UBE2K: variants seen among roughly 807,000 people sequenced by gnomAD.
UBE2K encodes the protein ubiquitin-conjugating enzyme E2 K.
In UBE2K, 6 loss-of-function variants were observed where a neutral mutation model predicts 30.0. The observed-to-expected ratio is 0.20, with a 90% CI of 0.11 to 0.39. UBE2K has a LOEUF of 0.39. UBE2K is among the 10% of genes least tolerant of loss of function. The probability of loss-of-function intolerance (pLI) is 1.00; values close to 1 mark genes in which losing one functional copy is unlikely to be tolerated. For synonymous variants in UBE2K, 86 were observed against 83.7 expected, an observed-to-expected ratio of 1.03 and a Z score of -0.15; for missense variants, 61 against 241.6, an observed-to-expected ratio of 0.25 and a Z score of 4.96.
At chr4:39,737,101 G>A (rs302948) in intron 1 of UBE2K, among the ~76,000 whole-genome samples, 124,606 of 152,100 alleles carry the variant, frequency 0.82, 51,478 homozygotes, top group East Asian at 0.92. Context: ...ATCGCTTTGG[G>A]CCTGATATAC....
In UBE2K at chr4:39,770,785, C is replaced by T. The variant is rs1578505018; in HGVS notation, c.300-4049C>T. ...CCTCCAGGGGGCTTGAGCCGGTGTG[C>T]GATGTCCAGGGCCGACTCCACCTTG... On this transcript the variant is annotated intron_variant, in intron 4 of 6. Coordinates refer to ENST00000261427, the MANE Select transcript of UBE2K (RefSeq NM_005339.5). 4.4e-6 allele frequency: 7 copies of T among 1,578,750 alleles called. No individual in the cohort carries two copies. The South Asian group carries it at 7.0e-5, about 16-fold the overall frequency.
At chr4:39,765,952 T>C (rs916818308) in intron 4 of UBE2K, among the ~76,000 whole-genome samples, 28 of 82,880 alleles carry the variant, frequency 3.4e-4, no homozygotes, top group African/African-American at 7.2e-4. Flanking sequence ...CACACACACA[T>C]ACACATACAC....
In UBE2K at chr4:39,744,362, C is replaced by T. The variant is rs901631140; in HGVS notation, c.158-1390C>T. ...TAATTTTTTGTGTTTTTAGTAGAGA[C>T]GGGGTTTCACCATGTTAGCCAGGAT... is the stretch of plus-strand genomic sequence containing the variant. On this transcript the variant is annotated intron_variant, in intron 2 of 6. Transcript: ENST00000261427. Among the ~76,000 whole-genome samples, 5 of 150,068 alleles carry T rather than the reference C, an allele frequency of 3.3e-5. 1 individual carries two copies. The East Asian group carries it at 6.1e-4, about 18-fold the overall frequency.
chr4:39,715,841 G>GT lies in UBE2K; in HGVS notation c.63+17460dup, dbSNP rs1340792973. The stretch of plus-strand genomic sequence containing the variant: ...CTGGAGGCACTGTGCCGGAGGACCC[G>GT]TTTTTTTTTATTTATTTTTTTAAAG... On this transcript the variant is annotated intron_variant, in intron 1 of 6. Transcript: ENST00000261427. 5.6e-4 allele frequency among the ~76,000 whole-genome samples: 31 copies of GT among 55,216 alleles called. No individual in the cohort carries two copies. In the East Asian group the frequency reaches 6.4e-3, roughly 11 times the overall value. 36.2% of individuals were successfully genotyped at this position (55,216 alleles called of 152,430 possible).
intron 2 of UBE2K, among the ~76,000 whole-genome samples, chr4:39,742,640 G>A (rs766004076): frequency 1.8e-4 from 27 of 152,172 alleles, no homozygotes; most frequent in Admixed American, 3.3e-4. Flanking sequence ...TACCCAGGAG[G>A]CTGAGGTAGG....
chr4:39,711,366 G>C (rs1249740400), intron 1 of UBE2K, among the ~76,000 whole-genome samples: 1 of 151,476 alleles, frequency 6.6e-6, no homozygotes, highest in East Asian at 1.9e-4. Flanking sequence ...GTTTCACCGT[G>C]TTAGCCTGGA....
intron 4 of UBE2K, among the ~76,000 whole-genome samples, chr4:39,765,792 G>C (rs772313045): frequency 6.6e-5 from 10 of 151,926 alleles, no homozygotes; most frequent in Non-Finnish European, 1.2e-4. Flanking sequence ...CTGGGCAACA[G>C]AGGGAGACTC....
At position 39,767,317 on chromosome 4, in the gene UBE2K, G is replaced by T. The variant is rs909819422; in HGVS notation, c.300-7517G>T. Among the ~76,000 whole-genome samples, 25 of 147,914 alleles carry T rather than the reference G, an allele frequency of 1.7e-4. 1 individual carries two copies. The Middle Eastern group carries it at 0.01, about 61-fold the overall frequency. On this transcript the variant is annotated intron_variant, in intron 4 of 6. Transcript: ENST00000261427. Reference sequence around the variant, plus strand: ...TTTTTCTGTTTTTTTTTTTGTGTGTGTGTTTTGTTTGTTTGTTTGTTTGTT... The same window carrying T: ...TTTTTCTGTTTTTTTTTTTGTGTGTTTGTTTTGTTTGTTTGTTTGTTTGTT...
intron 4 of UBE2K, among the ~76,000 whole-genome samples, chr4:39,771,677 G>A (rs1382599954): frequency 3.3e-5 from 5 of 152,132 alleles, no homozygotes; most frequent in African/African-American, 1.2e-4. Flanking sequence ...TCGCGCGCGC[G>A]GCGACGGCGT....
intron 4 of UBE2K, among the ~76,000 whole-genome samples, chr4:39,774,347 C>G (rs904242734): frequency 3.3e-5 from 5 of 151,348 alleles, no homozygotes; most frequent in African/African-American, 1.2e-4. Flanking sequence ...GTTTTTCATG[C>G]CTGTAATCCC....
chr4:39,769,213 G>GTTTTTTTTTTTTTTTCTTTTTT (rs1712569154), intron 4 of UBE2K, among the ~76,000 whole-genome samples: 2 of 128,676 alleles, frequency 1.6e-5, no homozygotes, highest in Non-Finnish European at 3.3e-5. Flanking sequence ...GTTTCTTTTT[G>GTTTTTTTTTTTTTTTCTTTTTT]TTTTTTTTTT....
At chr4:39,760,945 T>C (rs1711902790) in intron 4 of UBE2K, 1 of 152,210 alleles carries the variant, frequency 6.6e-6, no homozygotes, top group Non-Finnish European at 1.5e-5. Flanking sequence ...TAAAAATTCA[T>C]CCAGCTGCAT....
At chr4:39,742,741 A>G (rs376570784) in intron 2 of UBE2K, among the ~76,000 whole-genome samples, 2 of 151,838 alleles carry the variant, frequency 1.3e-5, no homozygotes, top group South Asian at 2.1e-4. Context: ...AATCCGCCTC[A>G]AATAAAAAGT....
At chr4:39,727,263 G>T (rs1230388537) in intron 1 of UBE2K, among the ~76,000 whole-genome samples, 1 of 152,218 alleles carries the variant, frequency 6.6e-6, no homozygotes, top group African/African-American at 2.4e-5. Flanking sequence ...AACAAAGACT[G>T]AATTGAAAAG....
intron 1 of UBE2K, among the ~76,000 whole-genome samples, chr4:39,718,977 C>T (rs539516221): frequency 1.6e-4 from 24 of 152,368 alleles, no homozygotes; most frequent in African/African-American, 5.5e-4. Context: ...TGAAGGGCTC[C>T]TCAAGTGTGG....
chr4:39,704,173 TTGAGTC>T (rs1181460762), intron 1 of UBE2K, among the ~76,000 whole-genome samples: 2 of 151,886 alleles, frequency 1.3e-5, no homozygotes, highest in Admixed American at 1.3e-4. Flanking sequence ...GGAGAATCGT[TTGAGTC>T]TGGGAGGTCG....
In UBE2K at chr4:39,779,174, T is replaced by C. The variant is rs1713460207; in HGVS notation, c.*740T>C. 1 of 152,100 alleles carries C rather than the reference T, an allele frequency of 6.6e-6. No individual in the cohort carries two copies. The highest frequency in any genetic ancestry group is 2.4e-5 in the African/African-American group (1 of 41,412). The allele number at this position is 152,100 out of a possible 1,614,324, so 9.4% of individuals were successfully genotyped here. A position where few individuals can be genotyped will look rare whatever the true frequency, so the allele number is the denominator to read the frequency against. On this transcript the variant is annotated 3_prime_UTR_variant, in exon 7 of 7. Coordinates refer to ENST00000261427, the MANE Select transcript of UBE2K (RefSeq NM_005339.5). ...TTTTAGGTCGTAGGTTTGGAATGTC[T>C]TGTCCCAGTTCTTCAAACACTCTTA... is the stretch of plus-strand genomic sequence containing the variant.
intron 2 of UBE2K, among the ~76,000 whole-genome samples, chr4:39,742,555 G>A (rs893809198): frequency 1.3e-5 from 2 of 151,950 alleles, no homozygotes; most frequent in South Asian, 4.2e-4. Flanking sequence ...TAGCCAGCAT[G>A]CTGAGACCCT....
intron 3 of UBE2K, among the ~76,000 whole-genome samples, chr4:39,754,308 A>G (rs1435617524): frequency 6.6e-6 from 1 of 152,216 alleles, no homozygotes; most frequent in Non-Finnish European, 1.5e-5. Context: ...AGAATCAAGC[A>G]TAGCAAGAAT....
Sources: gnomAD v4.1 joint callset for allele counts (sites outside exome capture counted in the v4.1 genomes callset) on GRCh38, gnomAD v4.1.1 for gene constraint, MANE v1.5 for transcripts, NCBI Gene and HGNC (gene_info 2026-07-23, HGNC 2026-07-21) for gene names.